HIVEP1: variants seen among roughly 807,000 people sequenced by gnomAD.
The protein encoded by HIVEP1 is zinc finger protein 40.
A neutral mutation model predicts 180.0 loss-of-function variants in HIVEP1; 36 were observed. The ratio of observed to expected loss-of-function variants is 0.20; its 90% confidence interval spans 0.15 to 0.26. The LOEUF (loss-of-function observed/expected upper bound fraction) is 0.26. HIVEP1 is among the 10% of genes least tolerant of loss of function. The probability of loss-of-function intolerance (pLI) is 1.00; values close to 1 mark genes in which losing one functional copy is unlikely to be tolerated. For missense variants in HIVEP1, 3,143 were observed against 3,268.7 expected (o/e 0.96, Z 0.94); for synonymous variants, 1,239 against 1,239.0 (o/e 1.00, Z 0.00).
intron 7 of HIVEP1, 69 bp downstream of exon 7, chr6:12,135,961 T>A (rs1758681460): frequency 1.1e-6 from 1 of 878,934 alleles, no homozygotes; most frequent in African/African-American, 1.7e-5. Flanking sequence ...TCCATACCCT[T>A]TCCATTCCCA....
chr6:12,106,830 G>T (rs146543461), intron 3 of HIVEP1, among the ~76,000 whole-genome samples: 313 of 152,268 alleles, frequency 2.1e-3, no homozygotes, highest in African/African-American at 7.0e-3. Flanking sequence ...TTTGAGTATT[G>T]CGTATCATTG....
At chr6:12,127,728 G>C (rs75582794) in intron 4 of HIVEP1, among the ~76,000 whole-genome samples, 3,223 of 152,290 alleles carry the variant, frequency 0.021, 125 homozygotes, top group African/African-American at 0.073. Context: ...CCACACTCCT[G>C]TATGGAAACT....
chr6:12,010,928 G>A (rs914178904), upstream of HIVEP1, among the ~76,000 whole-genome samples: 2 of 151,786 alleles, frequency 1.3e-5, no homozygotes, highest in African/African-American at 4.8e-5. Flanking sequence ...GACCAGCCCC[G>A]CACCCCCCTT....
At chr6:12,070,424 A>T (rs1771892287) in intron 2 of HIVEP1, among the ~76,000 whole-genome samples, 1 of 152,154 alleles carries the variant, frequency 6.6e-6, no homozygotes, top group Non-Finnish European at 1.5e-5. Context: ...GCGGTGGCTC[A>T]TGCCTGTAAT....
At chr6:12,182,818 T>G in the HIVEP1 span, among the ~76,000 whole-genome samples, 1 of 152,138 alleles carries the variant, frequency 6.6e-6, no homozygotes, top group Non-Finnish European at 1.5e-5. Context: ...ACTGTGCAAG[T>G]AGAAGGTGTC....
At chr6:12,015,460 A>G (rs1052946312) in intron 1 of HIVEP1, 66 bp from the exon 2 acceptor site, 7 of 592,068 alleles carry the variant, frequency 1.2e-5, no homozygotes, top group African/African-American at 1.1e-4. Flanking sequence ...GCTAGGCAGT[A>G]ACTTTTAAAG....
intron 3 of HIVEP1, among the ~76,000 whole-genome samples, chr6:12,112,838 A>G (rs1774988336): frequency 6.6e-6 from 1 of 151,952 alleles, no homozygotes; most frequent in African/African-American, 2.4e-5. Flanking sequence ...AGGGACTGAA[A>G]TTTTATTGGT....
intron 2 of HIVEP1, among the ~76,000 whole-genome samples, chr6:12,033,419 A>G (rs1164130110): frequency 1.3e-5 from 2 of 152,146 alleles, no homozygotes; most frequent in South Asian, 2.1e-4. Context: ...TTCTCAGGCC[A>G]TGATTAGAAG....
chr6:12,060,023 A>T (rs7756504), intron 2 of HIVEP1, among the ~76,000 whole-genome samples: 1 of 152,282 alleles, frequency 6.6e-6, no homozygotes, highest in African/African-American at 2.4e-5. Flanking sequence ...TTGGATTTCA[A>T]TTGATTTCGA....
At chr6:12,171,237 G>A in the HIVEP1 span, among the ~76,000 whole-genome samples, 1 of 152,070 alleles carries the variant, frequency 6.6e-6, no homozygotes, top group African/African-American at 2.4e-5. Context: ...ATGTTTTGTA[G>A]AGATGGGATT....
chr6:12,081,944 A>T (rs190710739), intron 2 of HIVEP1, among the ~76,000 whole-genome samples: 8 of 152,128 alleles, frequency 5.3e-5, no homozygotes, highest in Non-Finnish European at 2.9e-5. Context: ...TAATCACTGC[A>T]TTCATAGGAA....
chr6:12,094,531 A>G (rs996849850), intron 3 of HIVEP1, among the ~76,000 whole-genome samples: 5 of 152,150 alleles, frequency 3.3e-5, no homozygotes, highest in African/African-American at 1.2e-4. Flanking sequence ...TTTAAAAATC[A>G]TAAATGGATT....
chr6:12,123,862 T>A lies in HIVEP1; in HGVS notation c.4067T>A (p.Val1356Asp). The change falls in exon 4 of 9, where the codon GTT becomes GAT. Residue 1356 changes from valine (V) to aspartate (D), a missense_variant. Val to Asp is a radical substitution (Grantham distance 152). Around this residue, in one of 12 missense-constraint regions of HIVEP1, gnomAD observed 1,357 missense variants for 1,260.5 expected, o/e 1.08. Transcript: ENST00000379388. ...MIPAGLNTLN[V>D]PGCHREMRRT... ...CCAGCTGGCTTGAATACTCTGAATG[T>A]TCCTGGATGTCACCGGGAAATGAGG... 1.2e-6 allele frequency: 2 copies of A among 1,614,150 alleles called. No homozygotes were observed. The highest frequency in any genetic ancestry group is 1.7e-6 in the Non-Finnish European group (2 of 1,180,020).
chr6:12,080,981 G>T (rs1169946890), intron 2 of HIVEP1, among the ~76,000 whole-genome samples: 1 of 151,930 alleles, frequency 6.6e-6, no homozygotes, highest in Non-Finnish European at 1.5e-5. Flanking sequence ...CTCTATCTCT[G>T]GGCGCTCTGA....
chr6:12,050,225 T>G (rs1488995872), intron 2 of HIVEP1, among the ~76,000 whole-genome samples: 1 of 152,216 alleles, frequency 6.6e-6, no homozygotes, highest in East Asian at 1.9e-4. Context: ...ACTTGCCAGA[T>G]AAGCCTTAGC....
chr6:12,108,509 G>C (rs550581967), intron 3 of HIVEP1, among the ~76,000 whole-genome samples: 101 of 152,342 alleles, frequency 6.6e-4, no homozygotes, highest in African/African-American at 2.4e-3. Context: ...AGGCATGGCG[G>C]GCTGCAGGTC....
the HIVEP1 span, among the ~76,000 whole-genome samples, chr6:12,173,817 C>A: frequency 6.6e-6 from 1 of 152,108 alleles, no homozygotes; most frequent in African/African-American, 2.4e-5. Context: ...CTAAGGAAAC[C>A]ATGATAGGTG....
intron 3 of HIVEP1, among the ~76,000 whole-genome samples, chr6:12,111,869 C>T (rs1774916782): frequency 6.6e-6 from 1 of 152,214 alleles, no homozygotes; most frequent in Admixed American, 6.5e-5. Context: ...TTACAGGTTC[C>T]AGAGGTTGGG....
At chr6:12,084,045 C>T (rs867571182) in intron 2 of HIVEP1, among the ~76,000 whole-genome samples, 1 of 152,034 alleles carries the variant, frequency 6.6e-6, no homozygotes, top group African/African-American at 2.4e-5. Flanking sequence ...ATGCTTTATT[C>T]TTTAAAATTT....
Sources: allele counts gnomAD v4.1 joint callset (sites outside exome capture counted in the v4.1 genomes callset), GRCh38; gene constraint gnomAD v4.1.1; regional missense constraint gnomAD v4.1.1; transcripts MANE v1.5; gene names NCBI Gene and HGNC (gene_info 2026-07-23, HGNC 2026-07-21).